SHB: variants seen among roughly 807,000 people sequenced by gnomAD.
The protein encoded by SHB is SH2 domain-containing adapter protein B.
A neutral mutation model predicts 52.3 loss-of-function variants in SHB; 20 were observed. The observed-to-expected ratio is 0.38, with a 90% CI of 0.27 to 0.56. The LOEUF (loss-of-function observed/expected upper bound fraction) is 0.56. SHB is among the 20% of genes least tolerant of loss of function. SHB has a pLI of 0.71. For synonymous variants in SHB, 397 were observed against 316.5 expected, an observed-to-expected ratio of 1.25 and a Z score of -2.70; for missense variants, 825 against 723.3, an observed-to-expected ratio of 1.14 and a Z score of -1.61.
intron 2 of SHB, among the ~76,000 whole-genome samples, chr9:37,993,789 A>G (rs1334830394): frequency 6.6e-6 from 1 of 152,216 alleles, no homozygotes; most frequent in Admixed American, 6.5e-5. Flanking sequence ...CTCACTTGGC[A>G]GGGAGGAGTT....
At chr9:38,003,980 C>T (rs148448548) in intron 2 of SHB, among the ~76,000 whole-genome samples, 35 of 152,226 alleles carry the variant, frequency 2.3e-4, no homozygotes, top group Middle Eastern at 3.4e-3. Flanking sequence ...GGAGCTGGCC[C>T]GGGGGATCTA....
chr9:38,057,857 G>A (rs531433320), intron 1 of SHB, among the ~76,000 whole-genome samples: 3 of 152,350 alleles, frequency 2.0e-5, no homozygotes, highest in African/African-American at 7.2e-5. Context: ...CCTATCAGAA[G>A]CAGCCAGCAA....
chr9:37,974,390 C>G (rs1407288972), intron 3 of SHB, among the ~76,000 whole-genome samples: 1 of 152,192 alleles, frequency 6.6e-6, no homozygotes, highest in Non-Finnish European at 1.5e-5. Flanking sequence ...AGTGTGGAGG[C>G]TGGAACACTG....
chr9:38,055,174 C>T (rs1271577366), intron 1 of SHB, among the ~76,000 whole-genome samples: 1 of 152,238 alleles, frequency 6.6e-6, no homozygotes, highest in Non-Finnish European at 1.5e-5. Flanking sequence ...AGGCAGACAC[C>T]TTCAGCCTCT....
chr9:38,030,211 C>G lies in SHB; in HGVS notation c.718-14080G>C, dbSNP rs901304698. On this transcript the variant is annotated intron_variant, in intron 1 of 5. Transcript: ENST00000377707. ...AACTGCCCACCCAACCAAGCCCACA[C>G]AGGTCTGGCCTGGGGCAGGGGACCC... is the stretch of plus-strand genomic sequence containing the variant. Among the ~76,000 whole-genome samples, 4 of 152,352 alleles carry G rather than the reference C, an allele frequency of 2.6e-5. No homozygotes were observed. In the East Asian group the frequency reaches 5.8e-4, roughly 22 times the overall value.
At chr9:38,038,396 T>G (rs1821517469) in intron 1 of SHB, among the ~76,000 whole-genome samples, 1 of 152,140 alleles carries the variant, frequency 6.6e-6, no homozygotes, top group Non-Finnish European at 1.5e-5. Flanking sequence ...TCCCCTTCCC[T>G]AACACCCAGG....
chr9:37,983,920 C>T (rs1820771916), intron 2 of SHB, among the ~76,000 whole-genome samples: 1 of 152,190 alleles, frequency 6.6e-6, no homozygotes, highest in Non-Finnish European at 1.5e-5. Context: ...CCAGGTGAAC[C>T]GACAGGCATA....
intron 4 of SHB, among the ~76,000 whole-genome samples, chr9:37,952,147 G>A (rs72724200): frequency 0.066 from 10,105 of 152,008 alleles, 440 homozygotes; most frequent in South Asian, 0.11. Flanking sequence ...GAGAGGAAGA[G>A]TCAACAGAGA....
chr9:38,050,804 G>A (rs1821728810), intron 1 of SHB, among the ~76,000 whole-genome samples: 1 of 152,020 alleles, frequency 6.6e-6, no homozygotes, highest in Admixed American at 6.6e-5. Flanking sequence ...ACCATCAAAA[G>A]CAAAGGGTAA....
At chr9:38,064,106 TC>T (rs1395415640) in intron 1 of SHB, among the ~76,000 whole-genome samples, 3 of 152,042 alleles carry the variant, frequency 2.0e-5, no homozygotes, top group African/African-American at 7.2e-5. Context: ...TTTTTTTTTT[TC>T]ATAAAGCACA....
intron 3 of SHB, among the ~76,000 whole-genome samples, chr9:37,967,015 A>G (rs1467652490): frequency 2.0e-5 from 3 of 152,196 alleles, no homozygotes; most frequent in South Asian, 2.1e-4. Context: ...CACACACAGG[A>G]TATCAAGGCA....
At chr9:37,947,833 G>C (rs1350721288) in intron 5 of SHB, among the ~76,000 whole-genome samples, 3 of 152,216 alleles carry the variant, frequency 2.0e-5, no homozygotes, top group East Asian at 1.9e-4. Context: ...CTGCTTCTGG[G>C]GGATCTGTGC....
At chr9:37,922,500 C>CG (rs1832195368) in intron 5 of SHB, among the ~76,000 whole-genome samples, 1 of 152,162 alleles carries the variant, frequency 6.6e-6, no homozygotes, top group Non-Finnish European at 1.5e-5. Context: ...TAGACGTCCC[C>CG]GGGAAGTCCC....
intron 2 of SHB, among the ~76,000 whole-genome samples, chr9:37,985,182 T>A (rs1242312374): frequency 6.6e-6 from 1 of 152,228 alleles, no homozygotes; most frequent in Non-Finnish European, 1.5e-5. Flanking sequence ...TATGGCTGCC[T>A]GGCTGAACCT....
At chr9:37,979,480 T>C (rs929082005) in intron 2 of SHB, among the ~76,000 whole-genome samples, 4 of 151,872 alleles carry the variant, frequency 2.6e-5, no homozygotes, top group Admixed American at 2.6e-4. Context: ...GGTCTGCCCA[T>C]GGGAATGTGG....
chr9:37,918,755 G>A lies in SHB; in HGVS notation c.*1066C>T, dbSNP rs986615776. ...TCCCAGGTGGTGCTAACAGATAGTG[G>A]GGAGAGAGCCCTTTGTAGCCAGCTG... On this transcript the variant is annotated 3_prime_UTR_variant, in exon 6 of 6. Transcript: ENST00000377707. Among the ~76,000 whole-genome samples the A allele has an allele frequency of 6.6e-5, 10 of 152,240 alleles. No homozygotes were observed. The highest frequency in any genetic ancestry group is 2.4e-4 in the African/African-American group (10 of 41,464).
At chr9:37,971,034 T>C (rs1367985192) in intron 3 of SHB, among the ~76,000 whole-genome samples, 1 of 152,172 alleles carries the variant, frequency 6.6e-6, no homozygotes, top group East Asian at 1.9e-4. Flanking sequence ...CCTCCAGCTA[T>C]GGATCCTGCA....
intron 5 of SHB, among the ~76,000 whole-genome samples, chr9:37,932,766 ACCATG>A (rs2118477651): frequency 1.3e-5 from 2 of 152,268 alleles, no homozygotes; most frequent in East Asian, 3.9e-4. Context: ...GGGGTGTGCC[ACCATG>A]CCTGGCTAAT....
intron 1 of SHB, among the ~76,000 whole-genome samples, chr9:38,047,584 A>G (rs1821673196): frequency 6.6e-6 from 1 of 152,226 alleles, no homozygotes; most frequent in Non-Finnish European, 1.5e-5. Flanking sequence ...CAGCAGGACC[A>G]CAATTATAAA....
Sources: gnomAD v4.1 joint callset for allele counts (sites outside exome capture counted in the v4.1 genomes callset) on GRCh38, gnomAD v4.1.1 for gene constraint, MANE v1.5 for transcripts, NCBI Gene and HGNC (gene_info 2026-07-23, HGNC 2026-07-21) for gene names.